RUFY3: variants seen among roughly 807,000 people sequenced by gnomAD.
RUFY3 encodes the protein protein RUFY3.
A neutral mutation model predicts 84.0 loss-of-function variants in RUFY3; 34 were observed. The ratio of observed to expected loss-of-function variants is 0.40; its 90% confidence interval spans 0.31 to 0.54. The LOEUF is 0.54. Among genes scored for constraint, RUFY3 ranks in the 20% least tolerant of loss-of-function variants. RUFY3 has a pLI of 0.39. For synonymous variants in RUFY3, 242 were observed against 252.9 expected (o/e 0.96, Z 0.41); for missense variants, 507 against 736.8 (o/e 0.69, Z 3.61).
At chr4:70,802,619 A>G (rs1480013635) in intron 15 of RUFY3, among the ~76,000 whole-genome samples, 1 of 152,248 alleles carries the variant, frequency 6.6e-6, no homozygotes, top group Non-Finnish European at 1.5e-5. Flanking sequence ...ACTAAAATAT[A>G]TGGCCAGTGA....
At chr4:70,785,620 G>A (rs1729659637) in intron 10 of RUFY3, among the ~76,000 whole-genome samples, 1 of 151,842 alleles carries the variant, frequency 6.6e-6, no homozygotes, top group African/African-American at 2.4e-5. Flanking sequence ...CGTAAGGTCG[G>A]GAGTTCGAGA....
chr4:70,723,867 T>A (rs1177219156), intron 1 of RUFY3, among the ~76,000 whole-genome samples: 1 of 152,174 alleles, frequency 6.6e-6, no homozygotes, highest in African/African-American at 2.4e-5. Flanking sequence ...GACTCAGAAT[T>A]TTCCCATTGT....
rs1456745151 is a variant in RUFY3, at chr4:70,741,530, G to C, written c.178+18779G>C. ...AAGAATCCTAGGAACCTCCCTTTCA[G>C]TTATCCCTTTGGAAATCTTGTTTTT... On this transcript the variant is annotated intron_variant, in intron 1 of 17. Transcript: ENST00000381006. 4.0e-6 allele frequency: 4 copies of C among 995,724 alleles called. No homozygotes were observed. The Admixed American group carries it at 8.4e-5, about 21-fold the overall frequency. The allele number at this position is 995,724 out of a possible 1,614,324, so 61.7% of individuals were successfully genotyped here.
chr4:70,751,058 A>G (rs1010226546), intron 1 of RUFY3, among the ~76,000 whole-genome samples: 3 of 152,132 alleles, frequency 2.0e-5, no homozygotes, highest in Non-Finnish European at 4.4e-5. Context: ...TTGTGTGGAT[A>G]TATTTTTTAA....
intron 11 of RUFY3, 98 bp downstream of exon 11, chr4:70,789,071 G>A: frequency 6.7e-7 from 1 of 1,481,914 alleles, no homozygotes; most frequent in Non-Finnish European, 9.0e-7. Context: ...AATTACAAGA[G>A]GAAAGAATCA....
At chr4:70,801,632 G>A (rs943182900) in intron 15 of RUFY3, among the ~76,000 whole-genome samples, 1 of 152,200 alleles carries the variant, frequency 6.6e-6, no homozygotes, top group African/African-American at 2.4e-5. Flanking sequence ...TAAGAATGAG[G>A]TAGTGTGTCA....
chr4:70,720,430 C>T (rs1364233263), upstream of RUFY3, among the ~76,000 whole-genome samples: 2 of 152,104 alleles, frequency 1.3e-5, no homozygotes, highest in African/African-American at 4.8e-5. Flanking sequence ...GTGATTTGCC[C>T]GCCTTGGCCT....
intron 1 of RUFY3, among the ~76,000 whole-genome samples, chr4:70,758,720 T>G (rs1724465117): frequency 6.6e-6 from 1 of 151,708 alleles, no homozygotes; most frequent in Admixed American, 6.6e-5. Flanking sequence ...AAATCCTCTC[T>G]TCTAGCTATT....
At chr4:70,709,847 T>A (rs911492500) in intron 1 of RUFY3, among the ~76,000 whole-genome samples, 8 of 152,230 alleles carry the variant, frequency 5.3e-5, no homozygotes, top group African/African-American at 1.4e-4. Flanking sequence ...GCCCTTGTCT[T>A]TTCTCTCCCA....
chr4:70,712,917 G>A (rs1399002582), intron 1 of RUFY3, among the ~76,000 whole-genome samples: 1 of 152,186 alleles, frequency 6.6e-6, no homozygotes, highest in Non-Finnish European at 1.5e-5. Context: ...TCCCTACTTT[G>A]TGAAGTGGCT....
chr4:70,709,426 C>T (rs1577882385), intron 1 of RUFY3, among the ~76,000 whole-genome samples: 1 of 152,164 alleles, frequency 6.6e-6, no homozygotes, highest in East Asian at 1.9e-4. Flanking sequence ...GCACCCTCTC[C>T]CCGGTTCCTT....
intron 1 of RUFY3, among the ~76,000 whole-genome samples, chr4:70,729,476 TC>T (rs923385567): frequency 3.3e-5 from 5 of 152,188 alleles, no homozygotes; most frequent in African/African-American, 1.2e-4. Context: ...CAGGCTGGTC[TC>T]GAACTCCTGA....
chr4:70,775,113 T>G, intron 6 of RUFY3, 55 bp from the exon 7 acceptor site: 1 of 1,354,366 alleles, frequency 7.4e-7, no homozygotes, highest in Non-Finnish European at 1.0e-6. Context: ...GGGGTTGGGA[T>G]CTTGGTATTT....
intron 4 of RUFY3, among the ~76,000 whole-genome samples, chr4:70,765,758 C>CTTTT (rs371482787): frequency 7.1e-6 from 1 of 139,888 alleles, no homozygotes; most frequent in Non-Finnish European, 1.6e-5. Flanking sequence ...TTGTTAATAT[C>CTTTT]TTTTTTTTTT....
At chr4:70,710,351 T>C (rs965532970) in intron 1 of RUFY3, among the ~76,000 whole-genome samples, 4 of 152,256 alleles carry the variant, frequency 2.6e-5, no homozygotes, top group Non-Finnish European at 4.4e-5. Flanking sequence ...GTCTCTCTTC[T>C]TTTTTAATTG....
intron 1 of RUFY3, among the ~76,000 whole-genome samples, chr4:70,741,326 C>T (rs544514882): frequency 6.6e-6 from 1 of 152,170 alleles, no homozygotes; most frequent in South Asian, 2.1e-4. Flanking sequence ...CTTTGATTTT[C>T]AATAGAAAAA....
intron 1 of RUFY3, among the ~76,000 whole-genome samples, chr4:70,710,915 A>C (rs1450119795): frequency 6.6e-6 from 1 of 151,580 alleles, no homozygotes; most frequent in Non-Finnish European, 1.5e-5. Flanking sequence ...ATACAAAAAA[A>C]TTAGCCAGGT....
At chr4:70,755,892 A>G (rs1560500827) in intron 1 of RUFY3, among the ~76,000 whole-genome samples, 1 of 151,806 alleles carries the variant, frequency 6.6e-6, no homozygotes, top group Non-Finnish European at 1.5e-5. Context: ...CGGAACTTGC[A>G]GTGAGCTGAG....
At chr4:70,804,976 A>C (rs567428593) in intron 17 of RUFY3, among the ~76,000 whole-genome samples, 2 of 152,228 alleles carry the variant, frequency 1.3e-5, no homozygotes, top group Non-Finnish European at 2.9e-5. Flanking sequence ...TAAAGCAAAT[A>C]AGCAGATAGA....
Sources: allele counts gnomAD v4.1 joint callset (sites outside exome capture counted in the v4.1 genomes callset), GRCh38; gene constraint gnomAD v4.1.1; transcripts MANE v1.5; gene names NCBI Gene and HGNC (gene_info 2026-07-23, HGNC 2026-07-21).